SLC35D4: variants seen among roughly 807,000 people sequenced by gnomAD.
The protein encoded by SLC35D4 is UDP-N-acetylglucosamine transporter SLC35D4.
chr18:23,360,412 C>T, the SLC35D4 span, among the ~76,000 whole-genome samples: 3 of 152,158 alleles, frequency 2.0e-5, no homozygotes, highest in South Asian at 2.1e-4. Flanking sequence ...GATAAACAAA[C>T]GTGGTATATG....
chr18:23,398,452 A>C, the SLC35D4 span, among the ~76,000 whole-genome samples: 1 of 152,164 alleles, frequency 6.6e-6, no homozygotes, highest in African/African-American at 2.4e-5. Context: ...AAGGGTATAA[A>C]CTGAGGCGGT....
chr18:23,425,671 A>G, the SLC35D4 span, among the ~76,000 whole-genome samples: 1 of 152,160 alleles, frequency 6.6e-6, no homozygotes, highest in Non-Finnish European at 1.5e-5. Context: ...CAAAACTCAA[A>G]AGCTGAAGTA....
chr18:23,328,789 T>C, the SLC35D4 span, among the ~76,000 whole-genome samples: 45 of 152,306 alleles, frequency 3.0e-4, no homozygotes, highest in African/African-American at 9.9e-4. Context: ...GGCATCACGC[T>C]ACCTGACTTC....
the SLC35D4 span, among the ~76,000 whole-genome samples, chr18:23,386,770 A>T: frequency 6.6e-6 from 1 of 151,434 alleles, no homozygotes; most frequent in Non-Finnish European, 1.5e-5. Flanking sequence ...GTAACAGTGC[A>T]TTATTAGGAT....
At chr18:23,302,429 C>A in the SLC35D4 span, among the ~76,000 whole-genome samples, 6 of 152,264 alleles carry the variant, frequency 3.9e-5, no homozygotes, top group African/African-American at 1.4e-4. Flanking sequence ...CGGCATCTAG[C>A]GAGTGGGGTT....
the SLC35D4 span, among the ~76,000 whole-genome samples, chr18:23,371,953 T>TTTTTTTTTTTTTATAA: frequency 8.4e-6 from 1 of 118,926 alleles, no homozygotes. Flanking sequence ...TTTTTTTTTT[T>TTTTTTTTTTTTTATAA]GAGACGGAGT....
chr18:23,405,186 G>T, the SLC35D4 span, among the ~76,000 whole-genome samples: 13 of 151,764 alleles, frequency 8.6e-5, no homozygotes, highest in South Asian at 2.7e-3. Context: ...AATTTCTGTT[G>T]TTTATTTATT....
At chr18:23,308,339 G>A in the SLC35D4 span, among the ~76,000 whole-genome samples, 3 of 152,090 alleles carry the variant, frequency 2.0e-5, no homozygotes, top group Admixed American at 6.6e-5. Flanking sequence ...ATCTATTCCT[G>A]TATCTCCACT....
the SLC35D4 span, among the ~76,000 whole-genome samples, chr18:23,303,265 C>CA: frequency 6.6e-6 from 1 of 152,354 alleles, no homozygotes; most frequent in South Asian, 2.1e-4. Context: ...GAAAACACAC[C>CA]ATCTTTAACC....
chr18:23,331,568 T>C, the SLC35D4 span: 1 of 152,440 alleles, frequency 6.6e-6, no homozygotes, highest in East Asian at 1.9e-4. Flanking sequence ...ATCCGATTTT[T>C]AAAACTGAAG....
the SLC35D4 span, among the ~76,000 whole-genome samples, chr18:23,343,254 T>A: frequency 2.0e-5 from 3 of 151,956 alleles, no homozygotes; most frequent in African/African-American, 7.2e-5. Context: ...TTATATTTTT[T>A]ATTTTTATTT....
the SLC35D4 span, among the ~76,000 whole-genome samples, chr18:23,247,442 G>A: frequency 6.6e-6 from 1 of 152,244 alleles, no homozygotes; most frequent in Non-Finnish European, 1.5e-5. Context: ...TATGTGCTGG[G>A]CCCCTTCCAA....
the SLC35D4 span, among the ~76,000 whole-genome samples, chr18:23,358,086 G>GGGTCTCT: frequency 1.3e-5 from 2 of 152,170 alleles, no homozygotes; most frequent in Non-Finnish European, 2.9e-5. Context: ...CTAGAGAGTG[G>GGGTCTCT]CCAGAGCCCT....
At chr18:23,306,559 G>A in the SLC35D4 span, among the ~76,000 whole-genome samples, 1 of 152,200 alleles carries the variant, frequency 6.6e-6, no homozygotes, top group Non-Finnish European at 1.5e-5. Context: ...ACCCGCCTCG[G>A]CCTCCCAAAG....
chr18:23,415,834 T>C, the SLC35D4 span, among the ~76,000 whole-genome samples: 1 of 152,128 alleles, frequency 6.6e-6, no homozygotes, highest in African/African-American at 2.4e-5. Flanking sequence ...GGCAAACACC[T>C]AGACAAGAGA....
the SLC35D4 span, chr18:23,399,450 C>G: frequency 1.3e-5 from 12 of 918,330 alleles, no homozygotes; most frequent in Non-Finnish European, 2.0e-5. Flanking sequence ...GTAATAGGTC[C>G]CATTATTATC....
the SLC35D4 span, among the ~76,000 whole-genome samples, chr18:23,285,567 G>A: frequency 6.6e-6 from 1 of 152,012 alleles, no homozygotes; most frequent in East Asian, 1.9e-4. Context: ...TACACATCAG[G>A]CCGTCCCTAG....
chr18:23,399,843 C>A, the SLC35D4 span, among the ~76,000 whole-genome samples: 675 of 152,232 alleles, frequency 4.4e-3, 2 homozygotes, highest in Non-Finnish European at 7.5e-3. Flanking sequence ...ACCTACAATC[C>A]CATCATTACT....
At chr18:23,318,558 T>C in the SLC35D4 span, among the ~76,000 whole-genome samples, 1 of 152,246 alleles carries the variant, frequency 6.6e-6, no homozygotes, top group Non-Finnish European at 1.5e-5. Flanking sequence ...ATCATATAGA[T>C]ATATCATGGT....
Sources: allele counts gnomAD v4.1 joint callset (sites outside exome capture counted in the v4.1 genomes callset), GRCh38; gene constraint gnomAD v4.1.1; transcripts MANE v1.5; gene names NCBI Gene and HGNC (gene_info 2026-07-23, HGNC 2026-07-21).